XPC: variants seen among roughly 807,000 people sequenced by gnomAD.
XPC encodes the protein XPC complex subunit, DNA damage recognition and repair factor.
XPC carries 76 observed loss-of-function variants against 95.8 expected under a neutral mutation model. That is an observed-to-expected ratio of 0.79 (90% CI 0.66 to 0.96). The LOEUF is 0.96. XPC is among the 40% of genes least tolerant of loss of function. The pLI, the probability that XPC is intolerant of heterozygous loss-of-function variation, is 0.00. For missense variants in XPC, 1,146 were observed against 1,179.8 expected, an observed-to-expected ratio of 0.97 and a Z score of 0.42; for synonymous variants, 442 against 442.1, an observed-to-expected ratio of 1.00 and a Z score of 0.00.
rs867437887 is a variant in XPC, at chr3:14,167,965, C to T, written c.536+292G>A. On this transcript the variant is annotated intron_variant, in intron 4 of 15. Coordinates refer to ENST00000285021, the MANE Select transcript of XPC (RefSeq NM_004628.5). ...CTTGAAACGTTACTTAGCGTCTGAA[C>T]GTTACTTAGCTCCTCATTCACAACA... Among the ~76,000 whole-genome samples, 4 of 152,320 alleles carry T rather than the reference C, an allele frequency of 2.6e-5. No individual in the cohort carries two copies. In the Middle Eastern group the frequency reaches 0.01, roughly 389 times the overall value.
At position 14,159,738 on chromosome 3, in the gene XPC, C is replaced by G; in HGVS notation, c.990+3G>C. 2 of 1,559,322 alleles carry G rather than the reference C, an allele frequency of 1.3e-6. No homozygotes were observed. Among genetic ancestry groups the G allele is most frequent in the Non-Finnish European group, 1.7e-6 (2 of 1,151,156 alleles). On this transcript the variant is annotated splice_donor_region_variant and intron_variant, in intron 8 of 15. Transcript: ENST00000285021. Reference sequence around the variant, plus strand: ...TCTTCTCTGGCAGCCCTGCGCACCTCACCTTTGCTGTTGCTGACTTCAGAG... The same window carrying G: ...TCTTCTCTGGCAGCCCTGCGCACCTGACCTTTGCTGTTGCTGACTTCAGAG...
At position 14,145,625 on chromosome 3, in the gene XPC, AAGAACAGGTCTAGGAGGC is replaced by A; in HGVS notation, c.*298_*315del. On this transcript the variant is annotated 3_prime_UTR_variant, in exon 16 of 16. Coordinates refer to ENST00000285021, the MANE Select transcript of XPC (RefSeq NM_004628.5). Reference sequence around the variant, plus strand: ...AAAAACTGATGTTTCTAAAGATGGAAAGAACAGGTCTAGGAGGCAGAAGAGTATCTCCTAGCAAAGTGT... The same window carrying A: ...AAAAACTGATGTTTCTAAAGATGGAAAGAAGAGTATCTCCTAGCAAAGTGT... The A allele has an allele frequency of 1.4e-6, 1 of 699,416 alleles. No individual in the cohort carries two copies. 43.3% of individuals were successfully genotyped at this position (699,416 alleles called of 1,614,324 possible).
In XPC at chr3:14,170,447, C is replaced by T; in HGVS notation, c.403G>A (p.Glu135Lys). Residue 135 changes from glutamate to lysine, a missense_variant, in exon 3 of 16, where the codon GAG becomes AAG. Coordinates refer to ENST00000285021, the MANE Select transcript of XPC (RefSeq NM_004628.5). ...AAGAAAGATGTTTCACCTTCAACCT[C>T]TTCCCAATCATTTTCACTTTCTTCC... ...EEEESENDWE[E>K]VEELSEPVLG... The T allele has an allele frequency of 1.2e-6, 2 of 1,613,724 alleles. No homozygotes were observed. Among genetic ancestry groups the T allele is most frequent in the Non-Finnish European group, 1.7e-6 (2 of 1,179,664 alleles).
intron 2 of XPC, among the ~76,000 whole-genome samples, chr3:14,171,950 C>T (rs938842507): frequency 2.6e-5 from 4 of 152,126 alleles, no homozygotes; most frequent in African/African-American, 9.7e-5. Context: ...CTCTACTGGA[C>T]TACTCTCCCA....
intron 11 of XPC, chr3:14,151,397 C>A: frequency 6.6e-6 from 1 of 152,218 alleles, no homozygotes; most frequent in East Asian, 1.9e-4. Context: ...GCTCACGTTA[C>A]ATTTCAACTG....
chr3:14,146,080 T>C lies in XPC; in HGVS notation c.2684A>G (p.Glu895Gly). 1 of 1,612,714 alleles carries C rather than the reference T, an allele frequency of 6.2e-7. No individual in the cohort carries two copies. Among genetic ancestry groups the C allele is most frequent in the South Asian group, 1.1e-5 (1 of 90,936 alleles). The change falls in exon 16 of 16, where the codon GAA becomes GGA. Residue 895 changes from glutamate (E) to glycine (G), a missense_variant. Transcript: ENST00000285021. ...DEEEGTSSQA[E>G]AARILAASWP... ...GGAGGCAGCCAGTATCCTGGCCGCT[T>C]CTGCTTGAGAGCTGGTCCCCTCCTC...
chr3:14,169,478 CA>C (rs1318871153), intron 3 of XPC, among the ~76,000 whole-genome samples: 2 of 152,042 alleles, frequency 1.3e-5, no homozygotes, highest in Non-Finnish European at 2.9e-5. Context: ...CTATGAAAAG[CA>C]AAACAAGGCG....
At chr3:14,154,600 C>T (rs1695826691) in intron 10 of XPC, among the ~76,000 whole-genome samples, 1 of 152,110 alleles carries the variant, frequency 6.6e-6, no homozygotes, top group African/African-American at 2.4e-5. Context: ...AGTAGGCACA[C>T]TCAGAGACAG....
At chr3:14,163,795 T>A (rs1287398283) in intron 7 of XPC, among the ~76,000 whole-genome samples, 1 of 152,196 alleles carries the variant, frequency 6.6e-6, no homozygotes, top group Non-Finnish European at 1.5e-5. Context: ...CGTACACACA[T>A]ACACAGGAAC....
rs755168872 is a variant in XPC at position 14,158,118 on chromosome 3, A to C, written c.1765T>G (p.Trp589Gly). ...CGGCACTTGCGGGTCACTGTCATCC[A>C]GACTGGGTCGTACCTCTGTGTGACA... The part of the protein sequence containing the change: ...RDVTQRYDPV[W>G]MTVTRKCRVD... The change falls in exon 9 of 16, where the codon TGG becomes GGG. Residue 589 changes from tryptophan to glycine, a missense_variant. Trp to Gly is a radical substitution (Grantham distance 184). Transcript: ENST00000285021. The surrounding 1 kb of genome is among the most constrained non-coding windows in gnomAD (Gnocchi z 5.2). 1 of 1,613,932 alleles carries C rather than the reference A, an allele frequency of 6.2e-7. No homozygotes were observed. The highest frequency in any genetic ancestry group is 2.2e-5 in the East Asian group (1 of 44,868).
At chr3:14,149,218 G>C (rs1295314774) in intron 11 of XPC, among the ~76,000 whole-genome samples, 1 of 152,036 alleles carries the variant, frequency 6.6e-6, no homozygotes, top group African/African-American at 2.4e-5. Flanking sequence ...TGAGTAGCTG[G>C]GATTACAGGT....
At chr3:14,177,502 A>G (rs2607772) in intron 1 of XPC, among the ~76,000 whole-genome samples, 98,549 of 151,864 alleles carry the variant, frequency 0.65, 32,282 homozygotes, top group African/African-American at 0.73. Flanking sequence ...AAAGGAAAAG[A>G]CTCAAGGAAT....
chr3:14,157,499 G>A (rs1299753682), intron 9 of XPC, among the ~76,000 whole-genome samples: 2 of 152,034 alleles, frequency 1.3e-5, no homozygotes, highest in Non-Finnish European at 2.9e-5. Context: ...AGAAGTCTCT[G>A]CCTCCCGGTC....
intron 1 of XPC, among the ~76,000 whole-genome samples, chr3:14,174,811 G>A (rs1266273414): frequency 6.6e-6 from 1 of 152,078 alleles, no homozygotes. Flanking sequence ...CTATTTCATG[G>A]TGGCTATTTC....
At chr3:14,170,584 G>T in intron 2 of XPC, 34 bp from the exon 3 acceptor site, 1 of 1,512,328 alleles carries the variant, frequency 6.6e-7, no homozygotes, top group Non-Finnish European at 9.0e-7. Context: ...AGATGAAGAA[G>T]ACTCAGACAT....
intron 2 of XPC, among the ~76,000 whole-genome samples, chr3:14,171,506 G>A (rs1396973972): frequency 6.6e-6 from 1 of 152,162 alleles, no homozygotes; most frequent in Non-Finnish European, 1.5e-5. Context: ...CAACTAGTGA[G>A]GGGAGGCAAC....
In XPC at chr3:14,148,011, C is replaced by G. The variant is rs752154254; in HGVS notation, c.2421-10G>C. The stretch of plus-strand genomic sequence containing the variant: ...GATGTATCCATCAGTCCTGTGGGGA[C>G]ACAACGCGATGTCAACCCTCGAACC... On this transcript the variant is annotated splice_polypyrimidine_tract_variant and intron_variant, in intron 13 of 15. Transcript: ENST00000285021. The G allele has an allele frequency of 5.0e-5, 79 of 1,566,440 alleles. No homozygotes were observed. Among genetic ancestry groups the G allele is most frequent in the Non-Finnish European group, 6.6e-5 (76 of 1,152,758 alleles).
In XPC at chr3:14,147,388, AAAAATGAAGTGGGAG is replaced by A. The variant is rs533384609; in HGVS notation, c.2515-24_2515-10del. On this transcript the variant is annotated splice_polypyrimidine_tract_variant and intron_variant, in intron 14 of 15. Coordinates refer to ENST00000285021, the MANE Select transcript of XPC (RefSeq NM_004628.5). ...GCCCGCTTCTCCTTTTTCTGCAGGCAAAAATGAAGTGGGAGAAAAGTGTTAAGCACTGACATTTTC... is the reference window on the plus strand; with the variant it reads ...GCCCGCTTCTCCTTTTTCTGCAGGCAAAAAGTGTTAAGCACTGACATTTTC... 107 of 1,599,416 alleles carry A rather than the reference AAAAATGAAGTGGGAG, an allele frequency of 6.7e-5. No homozygotes were observed. In the East Asian group the frequency reaches 2.4e-3, roughly 36 times the overall value.
At chr3:14,169,282 G>C (rs1696515166) in intron 3 of XPC, among the ~76,000 whole-genome samples, 1 of 152,070 alleles carries the variant, frequency 6.6e-6, no homozygotes, top group Non-Finnish European at 1.5e-5. Flanking sequence ...CATCTAGGAA[G>C]GATTCTTGGA....
Sources: allele counts gnomAD v4.1 joint callset (sites outside exome capture counted in the v4.1 genomes callset), GRCh38; gene constraint gnomAD v4.1.1; non-coding constraint Gnocchi (gnomAD v3.1); transcripts MANE v1.5; gene names NCBI Gene and HGNC (gene_info 2026-07-23, HGNC 2026-07-21).